The following SEPTIN9 variants were observed in gnomAD, a reference collection of about 807,000 sequenced individuals.
SEPTIN9 encodes the protein septin 9.
A neutral mutation model predicts 56.6 loss-of-function variants in SEPTIN9; 13 were observed. That is an observed-to-expected ratio of 0.23 (90% confidence interval 0.15 to 0.37). The LOEUF (loss-of-function observed/expected upper bound fraction) is 0.37. SEPTIN9 is among the 10% of genes least tolerant of loss of function. The pLI is 1.00. For synonymous variants in SEPTIN9, 332 were observed against 334.1 expected (o/e 0.99, Z 0.07); for missense variants, 650 against 823.1 (o/e 0.79, Z 2.57).
chr17:77,399,842 C>G (rs1319058888), intron 2 of SEPTIN9, among the ~76,000 whole-genome samples: 1 of 152,294 alleles, frequency 6.6e-6, no homozygotes, highest in East Asian at 1.9e-4. Flanking sequence ...GGAGCCCACA[C>G]CTGGCACACC....
At chr17:77,460,076 C>T (rs73375392) in intron 3 of SEPTIN9, among the ~76,000 whole-genome samples, 7 of 151,992 alleles carry the variant, frequency 4.6e-5, no homozygotes, top group Admixed American at 1.3e-4. Context: ...AAGCCCCACC[C>T]CCCCCAGGCC....
At chr17:77,373,002 G>T (rs933325472) in intron 2 of SEPTIN9, among the ~76,000 whole-genome samples, 1 of 152,128 alleles carries the variant, frequency 6.6e-6, no homozygotes, top group Non-Finnish European at 1.5e-5. Context: ...CTTCCCCTCT[G>T]GGCGCCCGCC....
chr17:77,393,975 C>G (rs550045043), intron 2 of SEPTIN9, among the ~76,000 whole-genome samples: 10 of 152,284 alleles, frequency 6.6e-5, no homozygotes, highest in African/African-American at 2.4e-4. Flanking sequence ...TGTCACTCTC[C>G]TGTTTGGTTC....
chr17:77,306,523 G>T, intron 1 of SEPTIN9, among the ~76,000 whole-genome samples: 1 of 152,326 alleles, frequency 6.6e-6, no homozygotes, highest in Admixed American at 6.5e-5. Flanking sequence ...CAGAGGGAGC[G>T]CATGCCGCGG....
intron 1 of SEPTIN9, among the ~76,000 whole-genome samples, chr17:77,303,416 A>G (rs908032571): frequency 2.7e-5 from 4 of 150,068 alleles, no homozygotes; most frequent in African/African-American, 9.8e-5. Context: ...TAATATTGAT[A>G]TTATAATAAT....
chr17:77,460,079 C>A lies in SEPTIN9; in HGVS notation c.722-22065C>A, dbSNP rs139273522. On this transcript the variant is annotated intron_variant, in intron 3 of 11. Coordinates refer to ENST00000427177, the MANE Select transcript of SEPTIN9 (RefSeq NM_001113491.2). Reference sequence around the variant, plus strand: ...CCCCCATGACCCAAGCCCCACCCCCCCCAGGCCTTACCTCCAACATCAGGG... The same window carrying A: ...CCCCCATGACCCAAGCCCCACCCCCACCAGGCCTTACCTCCAACATCAGGG... Among the ~76,000 whole-genome samples, 117 of 152,190 alleles carry A rather than the reference C, an allele frequency of 7.7e-4. No individual in the cohort carries two copies. In the Middle Eastern group the frequency reaches 0.01, roughly 13 times the overall value.
At chr17:77,373,686 C>T (rs1209325054) in intron 2 of SEPTIN9, 7 of 1,391,326 alleles carry the variant, frequency 5.0e-6, no homozygotes, top group African/African-American at 1.5e-5. Context: ...AATCCAGGCG[C>T]CCTCCCGCTG....
intron 2 of SEPTIN9, among the ~76,000 whole-genome samples, chr17:77,401,728 AAAAG>A (rs1262906132): frequency 1.4e-4 from 22 of 152,118 alleles, no homozygotes; most frequent in Admixed American, 1.4e-3. Context: ...CTCAAAAAAA[AAAAG>A]AAGGAAATAA....
chr17:77,424,247 G>C (rs913450392), intron 3 of SEPTIN9, among the ~76,000 whole-genome samples: 2 of 152,238 alleles, frequency 1.3e-5, no homozygotes, highest in African/African-American at 4.8e-5. Context: ...TTGAGGAACT[G>C]GCCTCAGGCC....
At chr17:77,350,111 G>A (rs944098242) in intron 2 of SEPTIN9, among the ~76,000 whole-genome samples, 2 of 152,242 alleles carry the variant, frequency 1.3e-5, no homozygotes, top group African/African-American at 4.8e-5. Flanking sequence ...AGTTATGGCT[G>A]TTTCAGGGCC....
At chr17:77,363,225 C>T (rs1205914638) in intron 2 of SEPTIN9, among the ~76,000 whole-genome samples, 1 of 152,052 alleles carries the variant, frequency 6.6e-6, no homozygotes, top group Non-Finnish European at 1.5e-5. Flanking sequence ...GAGTCAGGGG[C>T]CTGCTAGAGC....
intron 2 of SEPTIN9, among the ~76,000 whole-genome samples, chr17:77,366,264 T>G (rs547780578): frequency 1.3e-5 from 2 of 152,294 alleles, no homozygotes; most frequent in Non-Finnish European, 2.9e-5. Flanking sequence ...ATCTCATTTT[T>G]GTACTCCAGT....
chr17:77,376,359 T>C (rs2034919796), intron 2 of SEPTIN9: 1 of 985,622 alleles, frequency 1.0e-6, no homozygotes, highest in Non-Finnish European at 1.2e-6. Flanking sequence ...CACAGGTCTC[T>C]TTCCCGGGGC....
At chr17:77,290,465 T>C (rs1040028420) in intron 1 of SEPTIN9, among the ~76,000 whole-genome samples, 5 of 151,678 alleles carry the variant, frequency 3.3e-5, no homozygotes, top group Non-Finnish European at 7.4e-5. Context: ...TTCACCATGT[T>C]AGCCAGGATG....
In SEPTIN9 at chr17:77,323,641, G is replaced by T. The variant is rs2033022859; in HGVS notation, c.76+16444G>T. 6.6e-6 allele frequency: 1 copy of T among 152,576 alleles called. No individual in the cohort carries two copies. The highest frequency in any genetic ancestry group is 2.4e-5 in the African/African-American group (1 of 41,440). 9.5% of individuals were successfully genotyped at this position (152,576 alleles called of 1,614,324 possible). On this transcript the variant is annotated intron_variant, in intron 2 of 11. Transcript: ENST00000427177. The surrounding 1 kb of genome is among the most constrained non-coding windows in gnomAD (Gnocchi z 6.8). ...CTTACGGGGTTCCTGGGTCATCAGT[G>T]GGCGGGGAACCGAGGCCTCCTGGAG... is the stretch of plus-strand genomic sequence containing the variant.
intron 3 of SEPTIN9, among the ~76,000 whole-genome samples, chr17:77,415,627 C>CAAAAAAAAAA (rs772446190): frequency 1.6e-5 from 1 of 63,214 alleles, no homozygotes; most frequent in African/African-American, 5.9e-5. Flanking sequence ...GACTATGTCT[C>CAAAAAAAAAA]AAAAAAAAAA....
Position 77,433,855 on chromosome 17 carries a change from C to T in SEPTIN9, c.721+31152C>T, listed in dbSNP as rs2037241503. On this transcript the variant is annotated intron_variant, in intron 3 of 11. Coordinates refer to ENST00000427177, the MANE Select transcript of SEPTIN9 (RefSeq NM_001113491.2). The surrounding 1 kb of genome is among the most constrained non-coding windows in gnomAD (Gnocchi z 6.4). ...GCCTGTTCATTTTCCCTCTCTGCCC[C>T]TCCCGCTGGCCCTTCCCATATGGTC... 6.6e-6 allele frequency among the ~76,000 whole-genome samples: 1 copy of T among 152,148 alleles called. No homozygotes were observed. The highest frequency in any genetic ancestry group is 1.5e-5 in the Non-Finnish European group (1 of 68,012).
At chr17:77,491,403 G>T (rs757410616) in intron 8 of SEPTIN9, among the ~76,000 whole-genome samples, 62 of 151,888 alleles carry the variant, frequency 4.1e-4, no homozygotes, top group Non-Finnish European at 7.7e-4. Flanking sequence ...TTGCCATGTT[G>T]CCCAGGCTGG....
rs771708610 is a variant in SEPTIN9 at position 77,482,214 on chromosome 17, G to A, written c.792G>A (p.Ala264=). The A allele has an allele frequency of 1.4e-5, 23 of 1,612,254 alleles. No homozygotes were observed. The highest frequency in any genetic ancestry group is 1.6e-4 in the Middle Eastern group (1 of 6,080). The part of the protein sequence containing the change: ...DTPRDAGLKQ[A]PASRNEKAPV... ...CCAGAGATGCCGGGCTCAAGCAGGC[G>A]CCTGCATCACGGAACGAGAAGGCCC... The change falls in exon 4 of 12, where the codon GCG becomes GCA. Residue 264 remains alanine, a synonymous_variant. Transcript: ENST00000427177.
Sources: gnomAD v4.1 joint callset for allele counts (sites outside exome capture counted in the v4.1 genomes callset) on GRCh38, gnomAD v4.1.1 for gene constraint, Gnocchi (gnomAD v3.1) non-coding constraint, MANE v1.5 for transcripts, NCBI Gene and HGNC (gene_info 2026-07-23, HGNC 2026-07-21) for gene names.